The following NIPA1 variants were observed in gnomAD, a reference collection of about 807,000 sequenced individuals.
The protein encoded by NIPA1 is NIPA magnesium transporter 1.
In NIPA1, 13 loss-of-function variants were observed where a neutral mutation model predicts 23.9. The observed-to-expected ratio is 0.54, with a 90% CI of 0.35 to 0.87. The LOEUF (loss-of-function observed/expected upper bound fraction) is 0.87. Ranked by LOEUF, NIPA1 falls within the 40% of genes least tolerant of loss-of-function variation. The pLI, the probability that NIPA1 is intolerant of heterozygous loss-of-function variation, is 0.01. For missense variants in NIPA1, 362 were observed against 429.7 expected (o/e 0.84, Z 1.39); for synonymous variants, 234 against 202.9 (o/e 1.15, Z -1.30).
chr15:22,799,769 A>ATG (rs1595634119), intron 1 of NIPA1, among the ~76,000 whole-genome samples: 3 of 144,868 alleles, frequency 2.1e-5, no homozygotes, highest in African/African-American at 5.1e-5. Flanking sequence ...GCGACAGAGC[A>ATG]AGACTCTGTC....
In NIPA1 at chr15:22,824,258, A is replaced by G. The variant is rs1304414644; in HGVS notation, c.*19A>G. The G allele has an allele frequency of 6.2e-7, 1 of 1,607,878 alleles. No individual in the cohort carries two copies. The highest frequency in any genetic ancestry group is 2.2e-5 in the East Asian group (1 of 44,854). On this transcript the variant is annotated 3_prime_UTR_variant, in exon 5 of 5. Coordinates refer to ENST00000337435, the MANE Select transcript of NIPA1 (RefSeq NM_144599.5). The surrounding 1 kb of genome is among the most constrained non-coding windows in gnomAD (Gnocchi z 4.1). ...AGACTAGATTGCAATAGGAGCTTGGATGGTTCGAGGAATAGGCATTGGAGG... is the reference window on the plus strand; with the variant it reads ...AGACTAGATTGCAATAGGAGCTTGGGTGGTTCGAGGAATAGGCATTGGAGG...
At chr15:22,787,332 G>A (rs1894730110) in intron 1 of NIPA1, among the ~76,000 whole-genome samples, 1 of 152,208 alleles carries the variant, frequency 6.6e-6, no homozygotes, top group African/African-American at 2.4e-5. Context: ...AGCAAGACCT[G>A]GGATTTCCAG....
Position 22,820,550 on chromosome 15 carries a change from G to T in NIPA1, c.478+77G>T, listed in dbSNP as rs1402566481. Reference sequence around the variant, plus strand: ...CTTTTTTAACCACGTCTTCAAATTGGATGCTTCCTGGCAGGGCAGAGGAAC... The same window carrying T: ...CTTTTTTAACCACGTCTTCAAATTGTATGCTTCCTGGCAGGGCAGAGGAAC... On this transcript the variant is annotated intron_variant, in intron 4 of 4. Coordinates refer to ENST00000337435, the MANE Select transcript of NIPA1 (RefSeq NM_144599.5). The T allele has an allele frequency of 2.8e-6, 3 of 1,074,178 alleles. No homozygotes were observed. In the African/African-American group the frequency reaches 4.6e-5, roughly 17 times the overall value. 66.5% of individuals were successfully genotyped at this position (1,074,178 alleles called of 1,614,324 possible).
chr15:22,810,448 A>G (rs1895295998), intron 1 of NIPA1, among the ~76,000 whole-genome samples: 1 of 152,214 alleles, frequency 6.6e-6, no homozygotes, highest in Non-Finnish European at 1.5e-5. Context: ...ATAAAACTCC[A>G]TCAAAGGAAT....
chr15:22,817,703 G>T (rs1895455009), intron 3 of NIPA1, among the ~76,000 whole-genome samples: 1 of 151,976 alleles, frequency 6.6e-6, no homozygotes, highest in Non-Finnish European at 1.5e-5. Context: ...TACTCGGGAG[G>T]CTGAGGCAGG....
intron 3 of NIPA1, among the ~76,000 whole-genome samples, chr15:22,816,064 T>A (rs2140871740): frequency 6.6e-6 from 1 of 152,224 alleles, no homozygotes; most frequent in African/African-American, 2.4e-5. Context: ...CCTCATCTAT[T>A]CATCATTGTA....
In NIPA1 at chr15:22,786,837, AGGGCGGGCGGCAGGCGGCAGGCGGC is replaced by A; in HGVS notation, c.178+11_178+35del. ...CATCGTGCGTGCCAAGCGGCGAGGT[AGGGCGGGCGGCAGGCGGCAGGCGGC>A]GGGCGGGTGGGGGAGGCGGGCGGCG... On this transcript the variant is annotated splice_donor_5th_base_variant and intron_variant, in intron 1 of 4. Transcript: ENST00000337435. 7 of 853,132 alleles carry A rather than the reference AGGGCGGGCGGCAGGCGGCAGGCGGC, an allele frequency of 8.2e-6. No individual in the cohort carries two copies. The highest frequency in any genetic ancestry group is 1.0e-5 in the Non-Finnish European group (7 of 667,034). The allele number at this position is 853,132 out of a possible 1,614,324, so 52.8% of individuals were successfully genotyped here.
intron 1 of NIPA1, among the ~76,000 whole-genome samples, chr15:22,803,360 C>T (rs528089629): frequency 1.6e-4 from 25 of 151,686 alleles, no homozygotes; most frequent in Non-Finnish European, 2.9e-4. Flanking sequence ...GTATATATTA[C>T]GTATGTATAT....
chr15:22,792,090 G>A (rs900639729), intron 1 of NIPA1, among the ~76,000 whole-genome samples: 3 of 152,182 alleles, frequency 2.0e-5, no homozygotes, highest in African/African-American at 7.2e-5. Flanking sequence ...GGTGGGTCAT[G>A]TTCAGTGTCA....
rs552665930 is a variant in NIPA1 at position 22,815,083 on chromosome 15, A to G, written c.317+2830A>G. Among the ~76,000 whole-genome samples, 144 of 152,266 alleles carry G rather than the reference A, an allele frequency of 9.5e-4. 1 individual carries two copies. The highest frequency in any genetic ancestry group is 3.3e-3 in the African/African-American group (139 of 41,554). ...TCAAGAAGCACTGTTCTATATGAATATGATGTGATTTTTTTTTCCTGTTTT... is the reference window on the plus strand; with the variant it reads ...TCAAGAAGCACTGTTCTATATGAATGTGATGTGATTTTTTTTTCCTGTTTT... On this transcript the variant is annotated intron_variant, in intron 3 of 4. Coordinates refer to ENST00000337435, the MANE Select transcript of NIPA1 (RefSeq NM_144599.5).
At chr15:22,799,481 A>C (rs7181868) in intron 1 of NIPA1, among the ~76,000 whole-genome samples, 111,603 of 151,834 alleles carry the variant, frequency 0.74, 42,522 homozygotes, top group African/African-American at 0.93. Flanking sequence ...CTCATCTCTA[A>C]AAAAAATACA....
rs200598977 is a variant in NIPA1 at position 22,818,526 on chromosome 15, G to A, written c.318-1787G>A. Reference sequence around the variant, plus strand: ...AAAATGGCACTGTCAGCCAGGCGCAGTGGCTCATGCCTATAATCCCAGCAC... The same window carrying A: ...AAAATGGCACTGTCAGCCAGGCGCAATGGCTCATGCCTATAATCCCAGCAC... On this transcript the variant is annotated intron_variant, in intron 3 of 4. Coordinates refer to ENST00000337435, the MANE Select transcript of NIPA1 (RefSeq NM_144599.5). 2.6e-5 allele frequency among the ~76,000 whole-genome samples: 4 copies of A among 151,998 alleles called. No individual in the cohort carries two copies. The East Asian group carries it at 7.7e-4, about 29-fold the overall frequency.
chr15:22,788,561 G>A (rs1483034698), intron 1 of NIPA1, among the ~76,000 whole-genome samples: 3 of 151,440 alleles, frequency 2.0e-5, no homozygotes, highest in African/African-American at 7.3e-5. Flanking sequence ...CATGGAATCT[G>A]AAAGCACGTC....
In NIPA1 at chr15:22,828,632, A is replaced by G. The variant is rs1253204248; in HGVS notation, c.*4393A>G. The G allele has an allele frequency of 6.6e-6, 1 of 152,614 alleles. No individual in the cohort carries two copies. Among genetic ancestry groups the G allele is most frequent in the African/African-American group, 2.4e-5 (1 of 41,436 alleles). The allele number at this position is 152,614 out of a possible 1,614,324, so 9.5% of individuals were successfully genotyped here. A position where few individuals can be genotyped will look rare whatever the true frequency, so the allele number is the denominator to read the frequency against. ...TTACATCAAAATATGTTGTCTAGTA[A>G]AAAGTTGATATTCAGTAGAACAAGG... On this transcript the variant is annotated 3_prime_UTR_variant, in exon 5 of 5. Coordinates refer to ENST00000337435, the MANE Select transcript of NIPA1 (RefSeq NM_144599.5).
intron 4 of NIPA1, among the ~76,000 whole-genome samples, chr15:22,823,288 C>T (rs1462809186): frequency 6.6e-6 from 1 of 150,834 alleles, no homozygotes; most frequent in Non-Finnish European, 1.5e-5. Context: ...GATCTCGGCT[C>T]ACTGCAACCT....
rs1299120695 is a variant in NIPA1 at position 22,810,969 on chromosome 15, A to G, written c.226+173A>G. 4 of 662,970 alleles carry G rather than the reference A, an allele frequency of 6.0e-6. No homozygotes were observed. The East Asian group carries it at 8.2e-5, about 14-fold the overall frequency. 41.1% of individuals were successfully genotyped at this position (662,970 alleles called of 1,614,324 possible). On this transcript the variant is annotated intron_variant, in intron 2 of 4. Transcript: ENST00000337435. ...TCAGTTCGGATGTCCCTGCCTCCCCAGGGCACTCTCCCTGCTCCCCTTCCT... is the reference window on the plus strand; with the variant it reads ...TCAGTTCGGATGTCCCTGCCTCCCCGGGGCACTCTCCCTGCTCCCCTTCCT...
intron 2 of NIPA1, 162 bp downstream of exon 2, chr15:22,810,958 C>G (rs751217840): frequency 2.3e-5 from 16 of 691,742 alleles, no homozygotes; most frequent in African/African-American, 3.5e-5. Context: ...TTCGGATGTC[C>G]CTGCCTCCCC....
intron 4 of NIPA1, among the ~76,000 whole-genome samples, chr15:22,823,324 C>T (rs1167371345): frequency 6.6e-6 from 1 of 151,742 alleles, no homozygotes; most frequent in African/African-American, 2.4e-5. Context: ...AAGTGATTCT[C>T]CTGCCTCAGC....
Position 22,812,273 on chromosome 15 carries a change from T to C in NIPA1, c.317+20T>C. The C allele has an allele frequency of 6.4e-7, 1 of 1,559,154 alleles. No individual in the cohort carries two copies. The highest frequency in any genetic ancestry group is 1.1e-5 in the South Asian group (1 of 89,942). ...GTTCGGGTGAGAGCCAAGATTGTGT[T>C]TGGTATTTAATGTGTAGTGTAGATA... On this transcript the variant is annotated intron_variant, in intron 3 of 4. Transcript: ENST00000337435.
Sources: gnomAD v4.1 joint callset for allele counts (sites outside exome capture counted in the v4.1 genomes callset) on GRCh38, gnomAD v4.1.1 for gene constraint, Gnocchi (gnomAD v3.1) non-coding constraint, MANE v1.5 for transcripts, NCBI Gene and HGNC (gene_info 2026-07-23, HGNC 2026-07-21) for gene names.